The following XKR9 variants were observed in gnomAD, a reference collection of about 807,000 sequenced individuals.
XKR9 encodes XK-related protein 9.
In XKR9, 32 loss-of-function variants were observed where a neutral mutation model predicts 32.0. That is an observed-to-expected ratio of 1.00 (90% confidence interval 0.76 to 1.34). XKR9 has a LOEUF of 1.34. Among genes scored for constraint, XKR9 ranks in the 40% most tolerant of loss-of-function variants. The probability of loss-of-function intolerance (pLI) is 0.00; values close to 1 mark genes in which losing one functional copy is unlikely to be tolerated. For synonymous variants in XKR9, 168 were observed against 143.4 expected (o/e 1.17, Z -1.22); for missense variants, 546 against 429.7 (o/e 1.27, Z -2.39).
intron 2 of XKR9, among the ~76,000 whole-genome samples, chr8:70,763,764 A>C (rs371945715): frequency 1.3e-5 from 2 of 152,186 alleles, no homozygotes; most frequent in East Asian, 3.8e-4. Context: ...CTCCTCTTCA[A>C]ATTATTATTC....
At chr8:70,727,839 G>A (rs907530664) in intron 4 of XKR9, among the ~76,000 whole-genome samples, 18 of 151,776 alleles carry the variant, frequency 1.2e-4, no homozygotes, top group Non-Finnish European at 2.9e-5. Flanking sequence ...TGGGGGCTAC[G>A]AGATCAGATG....
At chr8:70,687,316 TTC>T (rs1394842455) in intron 3 of XKR9, among the ~76,000 whole-genome samples, 2 of 85,088 alleles carry the variant, frequency 2.4e-5, no homozygotes, top group Non-Finnish European at 5.1e-5. Flanking sequence ...TCCTCCCTCT[TTC>T]TTTCTTTCTT....
the XKR9 span, among the ~76,000 whole-genome samples, chr8:70,998,656 G>A: frequency 6.6e-6 from 1 of 152,318 alleles, no homozygotes; most frequent in East Asian, 1.9e-4. Context: ...TGCTGGAGAA[G>A]CTTGTTCAAT....
the XKR9 span, among the ~76,000 whole-genome samples, chr8:70,992,780 C>T: frequency 3.9e-5 from 6 of 152,348 alleles, no homozygotes; most frequent in South Asian, 1.2e-3. Flanking sequence ...AGCACTCCCA[C>T]AACCAGGCTG....
At chr8:70,977,961 G>A in the XKR9 span, among the ~76,000 whole-genome samples, 1 of 152,188 alleles carries the variant, frequency 6.6e-6, no homozygotes, top group Non-Finnish European at 1.5e-5. Context: ...AGCTCTTCTT[G>A]TTGAATTGAT....
the XKR9 span, among the ~76,000 whole-genome samples, chr8:70,991,228 G>A: frequency 6.6e-6 from 1 of 152,062 alleles, no homozygotes; most frequent in South Asian, 2.1e-4. Context: ...CTCACCCAGA[G>A]GTGCAAAGGG....
At chr8:70,982,775 C>T in the XKR9 span, among the ~76,000 whole-genome samples, 1 of 152,210 alleles carries the variant, frequency 6.6e-6, no homozygotes, top group African/African-American at 2.4e-5. Context: ...AGTCTCCACA[C>T]ACTGCTCTGT....
At chr8:71,024,325 T>G in the XKR9 span, among the ~76,000 whole-genome samples, 1,833 of 152,312 alleles carry the variant, frequency 0.012, 37 homozygotes, top group African/African-American at 0.041. Flanking sequence ...ATCACCCTTT[T>G]GCTAGTGTGC....
chr8:70,980,923 C>A, the XKR9 span, among the ~76,000 whole-genome samples: 1 of 152,104 alleles, frequency 6.6e-6, no homozygotes, highest in African/African-American at 2.4e-5. Context: ...ATACAAAATT[C>A]TTGGCTGATA....
chr8:70,873,600 T>G, the XKR9 span, among the ~76,000 whole-genome samples: 4 of 152,198 alleles, frequency 2.6e-5, no homozygotes, highest in Non-Finnish European at 5.9e-5. Flanking sequence ...GAGCCTGAGA[T>G]GTGACTGAAT....
At chr8:70,713,367 T>C (rs1805984216) in intron 4 of XKR9, among the ~76,000 whole-genome samples, 1 of 151,968 alleles carries the variant, frequency 6.6e-6, no homozygotes, top group Non-Finnish European at 1.5e-5. Context: ...GTGGAAGCAA[T>C]ATTTGAAAAG....
chr8:70,904,672 G>T, the XKR9 span, among the ~76,000 whole-genome samples: 1 of 152,100 alleles, frequency 6.6e-6, no homozygotes, highest in Non-Finnish European at 1.5e-5. Context: ...TATGATGTTA[G>T]CTGGTTATTT....
At chr8:70,960,576 T>C in the XKR9 span, among the ~76,000 whole-genome samples, 1 of 152,088 alleles carries the variant, frequency 6.6e-6, no homozygotes, top group African/African-American at 2.4e-5. Flanking sequence ...ATATAGGATG[T>C]TGTCAAAAAT....
the XKR9 span, among the ~76,000 whole-genome samples, chr8:70,986,070 T>C: frequency 0.06 from 9,064 of 152,226 alleles, 380 homozygotes; most frequent in Non-Finnish European, 0.084. Flanking sequence ...CTTGTCACAA[T>C]AGAATTCTTT....
chr8:70,749,701 C>T (rs1241901742), intron 2 of XKR9, among the ~76,000 whole-genome samples: 1 of 149,082 alleles, frequency 6.7e-6, no homozygotes. Flanking sequence ...CGCAGCTTGC[C>T]AGGCCGTTTG....
the XKR9 span, among the ~76,000 whole-genome samples, chr8:71,011,938 T>C: frequency 1.3e-5 from 2 of 152,338 alleles, no homozygotes; most frequent in South Asian, 2.1e-4. Flanking sequence ...ACCTAGGTTG[T>C]AGTTTCTCTT....
the XKR9 span, among the ~76,000 whole-genome samples, chr8:71,061,188 A>G: frequency 6.6e-6 from 1 of 152,138 alleles, no homozygotes; most frequent in African/African-American, 2.4e-5. Context: ...AGAGCTGTGG[A>G]TTCAAACCCA....
the XKR9 span, among the ~76,000 whole-genome samples, chr8:71,056,124 A>G: frequency 4.6e-5 from 7 of 152,232 alleles, no homozygotes; most frequent in Non-Finnish European, 1.0e-4. Context: ...TTATGGAAGT[A>G]GAGCCCCTTA....
chr8:70,867,884 C>A, the XKR9 span, among the ~76,000 whole-genome samples: 1 of 152,192 alleles, frequency 6.6e-6, no homozygotes, highest in Non-Finnish European at 1.5e-5. Flanking sequence ...TTCCTAGATA[C>A]AATGGGGGTA....
Sources: gnomAD v4.1 joint callset for allele counts (sites outside exome capture counted in the v4.1 genomes callset) on GRCh38, gnomAD v4.1.1 for gene constraint, MANE v1.5 for transcripts, NCBI Gene and HGNC (gene_info 2026-07-23, HGNC 2026-07-21) for gene names.